The following KANK1 variants were observed in gnomAD, a reference collection of about 807,000 sequenced individuals.
The protein encoded by KANK1 is KN motif and ankyrin repeat domains 1, also known as KN motif and ankyrin repeat domain-containing protein 1.
In KANK1, 109 loss-of-function variants were observed where a neutral mutation model predicts 106.2. The ratio of observed to expected loss-of-function variants is 1.03; its 90% CI spans 0.88 to 1.20. The LOEUF (loss-of-function observed/expected upper bound fraction) is 1.20, where lower values mean the gene tolerates loss of function less well. Among genes scored for constraint, KANK1 ranks in the 50% most tolerant of loss-of-function variants. The pLI is 0.00. For missense variants in KANK1, 2,399 were observed against 1,710.7 expected (o/e 1.40, Z -7.10); for synonymous variants, 873 against 652.2 (o/e 1.34, Z -5.16).
chr9:541,508 A>C (rs554441471), intron 1 of KANK1, among the ~76,000 whole-genome samples: 2 of 152,350 alleles, frequency 1.3e-5, no homozygotes, highest in South Asian at 2.1e-4. Flanking sequence ...ATCCAAAAGT[A>C]TAAAACTACT....
intron 1 of KANK1, among the ~76,000 whole-genome samples, chr9:641,264 G>C (rs368258143): frequency 2.0e-5 from 3 of 152,156 alleles, no homozygotes; most frequent in Admixed American, 6.5e-5. Flanking sequence ...GGATAGTCTG[G>C]ACATGAATGT....
At chr9:583,664 A>G (rs58525255) in intron 1 of KANK1, among the ~76,000 whole-genome samples, 3,858 of 150,658 alleles carry the variant, frequency 0.026, 289 homozygotes, top group East Asian at 0.22. Flanking sequence ...ATTATCAAGG[A>G]TATATGGATT....
intron 1 of KANK1, among the ~76,000 whole-genome samples, chr9:513,418 T>C (rs545196999): frequency 6.6e-6 from 1 of 152,090 alleles, no homozygotes; most frequent in East Asian, 1.9e-4. Context: ...TTGGAGGTGT[T>C]TTGGGTTTTT....
rs1842863408 is a variant in KANK1, at chr9:659,589, A to G, written c.-83-17301A>G. On this transcript the variant is annotated intron_variant, in intron 1 of 11. Transcript: ENST00000382297. ...TAAAGAAAAAAGGCTTAATCGACTC[A>G]CAGTTCCACAGGCTGTAAAGAAGCA... 2.0e-5 allele frequency among the ~76,000 whole-genome samples: 3 copies of G among 152,178 alleles called. No individual in the cohort carries two copies. In the South Asian group the frequency reaches 6.2e-4, roughly 32 times the overall value.
At chr9:477,645 G>A (rs538232936) in intron 3 of KANK1, 1 of 152,338 alleles carries the variant, frequency 6.6e-6, no homozygotes, top group African/African-American at 2.4e-5. Flanking sequence ...ACAAGTAGTA[G>A]ATAAATTGAA....
intron 2 of KANK1, among the ~76,000 whole-genome samples, chr9:708,865 A>G (rs1437570569): frequency 6.6e-6 from 1 of 152,238 alleles, no homozygotes; most frequent in Non-Finnish European, 1.5e-5. Context: ...GCTCTGGGAA[A>G]ACAACACATG....
At chr9:662,634 C>T (rs111536392) in intron 1 of KANK1, among the ~76,000 whole-genome samples, 1 of 151,816 alleles carries the variant, frequency 6.6e-6, no homozygotes, top group Non-Finnish European at 1.5e-5. Flanking sequence ...GCTGAAACTG[C>T]ATCCCTTCCT....
chr9:528,553 C>G (rs1047593148), intron 1 of KANK1, among the ~76,000 whole-genome samples: 4 of 134,652 alleles, frequency 3.0e-5, no homozygotes, highest in Admixed American at 1.7e-4. Flanking sequence ...TTGATCTCGG[C>G]TCACTGCAGT....
At chr9:554,202 T>C (rs2061442481) in intron 1 of KANK1, among the ~76,000 whole-genome samples, 1 of 152,208 alleles carries the variant, frequency 6.6e-6, no homozygotes, top group Non-Finnish European at 1.5e-5. Flanking sequence ...AAGAAGGCCA[T>C]TGGTGTAATT....
intron 1 of KANK1, among the ~76,000 whole-genome samples, chr9:637,788 C>T (rs1837493980): frequency 1.3e-5 from 2 of 151,910 alleles, no homozygotes; most frequent in East Asian, 3.9e-4. Context: ...TGTGAGACTA[C>T]CAATGTCATA....
chr9:617,491 AG>A (rs1449877995), intron 1 of KANK1, among the ~76,000 whole-genome samples: 2 of 152,246 alleles, frequency 1.3e-5, no homozygotes, highest in East Asian at 1.9e-4. Context: ...CTGGCCAAAG[AG>A]GTTCAGGACC....
chr9:503,001 ATTTTTTTTTTTTTTT>A (rs35195436), upstream of KANK1, among the ~76,000 whole-genome samples: 3 of 70,254 alleles, frequency 4.3e-5, no homozygotes, highest in African/African-American at 8.8e-5. Flanking sequence ...CGCCCAGCTG[ATTTTTTTTTTTTTTT>A]TTTTTTTTTT....
At chr9:546,314 G>A (rs1223078642) in intron 1 of KANK1, among the ~76,000 whole-genome samples, 1 of 151,980 alleles carries the variant, frequency 6.6e-6, no homozygotes, top group Admixed American at 6.6e-5. Context: ...GAGAGGGTAG[G>A]TGCTACTGTC....
intron 11 of KANK1, chr9:744,866 C>G: frequency 1.4e-6 from 2 of 1,411,762 alleles, no homozygotes; most frequent in South Asian, 1.5e-5. Context: ...CAGATAGCAG[C>G]CCCTGAGCCC....
At chr9:694,647 G>A (rs1301179642) in intron 2 of KANK1, among the ~76,000 whole-genome samples, 1 of 152,158 alleles carries the variant, frequency 6.6e-6, no homozygotes, top group Non-Finnish European at 1.5e-5. Context: ...TGCCTCCCTA[G>A]CACAATGTGC....
At chr9:654,574 C>T (rs1841666806) in intron 1 of KANK1, among the ~76,000 whole-genome samples, 1 of 114,938 alleles carries the variant, frequency 8.7e-6, no homozygotes, top group African/African-American at 5.7e-5. Flanking sequence ...ATATATTTAC[C>T]ACTCAATCGT....
At chr9:579,345 T>G (rs2135214811) in intron 1 of KANK1, among the ~76,000 whole-genome samples, 1 of 152,268 alleles carries the variant, frequency 6.6e-6, no homozygotes, top group East Asian at 1.9e-4. Flanking sequence ...GAGGATGTTA[T>G]CAGGATACTG....
At chr9:691,402 G>GTA (rs1199383412) in intron 2 of KANK1, among the ~76,000 whole-genome samples, 1 of 149,650 alleles carries the variant, frequency 6.7e-6, no homozygotes, top group African/African-American at 2.5e-5. Flanking sequence ...ATGTGTGTGT[G>GTA]TGTATATATA....
intron 1 of KANK1, among the ~76,000 whole-genome samples, chr9:592,482 ATC>A (rs60396114): frequency 0.32 from 48,519 of 151,374 alleles, 8,424 homozygotes; most frequent in African/African-American, 0.4. Context: ...GAGCACCCCG[ATC>A]CCCTAGTCCG....
Sources: allele counts gnomAD v4.1 joint callset (sites outside exome capture counted in the v4.1 genomes callset), GRCh38; gene constraint gnomAD v4.1.1; transcripts MANE v1.5; gene names NCBI Gene and HGNC (gene_info 2026-07-23, HGNC 2026-07-21).